CADPS: variants seen among roughly 807,000 people sequenced by gnomAD.
The protein encoded by CADPS is calcium-dependent secretion activator 1.
In CADPS, 57 loss-of-function variants were observed where a neutral mutation model predicts 167.3. That is an observed-to-expected ratio of 0.34 (90% CI 0.28 to 0.42). CADPS has a LOEUF of 0.42. CADPS is among the 20% of genes least tolerant of loss of function. CADPS has a pLI of 1.00. For synonymous variants in CADPS, 676 were observed against 635.3 expected (o/e 1.06, Z -0.96); for missense variants, 1,414 against 1,738.1 (o/e 0.81, Z 3.32).
intron 1 of CADPS, among the ~76,000 whole-genome samples, chr3:62,829,042 A>T: frequency 6.6e-6 from 1 of 152,140 alleles, no homozygotes; most frequent in Non-Finnish European, 1.5e-5. Context: ...CCAAGAAAAG[A>T]AGTTTCAGGA....
intron 1 of CADPS, among the ~76,000 whole-genome samples, chr3:62,852,154 G>T (rs2078735434): frequency 6.7e-6 from 1 of 149,256 alleles, no homozygotes; most frequent in Admixed American, 6.7e-5. Context: ...CTCTGTATTG[G>T]TTATTCTAGT....
intron 6 of CADPS, among the ~76,000 whole-genome samples, chr3:62,600,533 A>T (rs1165147121): frequency 6.6e-6 from 1 of 152,186 alleles, no homozygotes; most frequent in Non-Finnish European, 1.5e-5. Context: ...AGTGTAACTG[A>T]CTAATCTAAA....
chr3:62,697,100 TTAAATA>T (rs1486998372), intron 3 of CADPS, among the ~76,000 whole-genome samples: 1 of 152,102 alleles, frequency 6.6e-6, no homozygotes, highest in African/African-American at 2.4e-5. Context: ...GGCAAATTAC[TTAAATA>T]TAGTTTTTAC....
chr3:62,575,865 T>C (rs1156788472), intron 8 of CADPS, among the ~76,000 whole-genome samples: 5 of 152,176 alleles, frequency 3.3e-5, no homozygotes, highest in African/African-American at 1.2e-4. Flanking sequence ...TTGGAAAGTC[T>C]GCTTGAGGGA....
intron 3 of CADPS, among the ~76,000 whole-genome samples, chr3:62,724,557 G>T (rs780889680): frequency 6.6e-6 from 1 of 152,112 alleles, no homozygotes; most frequent in Non-Finnish European, 1.5e-5. Context: ...GTAGAAAAGC[G>T]GTAGTTTCCA....
chr3:62,506,665 G>A (rs1263273799), intron 17 of CADPS, among the ~76,000 whole-genome samples: 1 of 152,104 alleles, frequency 6.6e-6, no homozygotes, highest in Admixed American at 6.5e-5. Context: ...ATGTTATTTT[G>A]GTGGGACTTC....
chr3:62,404,611 T>C (rs1327129316), intron 28 of CADPS: 1 of 152,098 alleles, frequency 6.6e-6, no homozygotes, highest in Non-Finnish European at 1.5e-5. Flanking sequence ...GAGCCAATTG[T>C]GGCTCTCCTT....
Position 62,875,209 on chromosome 3 carries a change from C to T in CADPS, c.-180G>A. On this transcript the variant is annotated 5_prime_UTR_variant, in exon 1 of 30. Coordinates refer to ENST00000383710, the MANE Select transcript of CADPS (RefSeq NM_003716.4). ...TGATCCTCTGCCCGGCGGTCGCGAG[C>T]TGGGCTCAGACCCAGAAGCGCGAAG... The T allele has an allele frequency of 1.3e-6, 1 of 794,896 alleles. No homozygotes were observed. Among genetic ancestry groups the T allele is most frequent in the Admixed American group, 4.6e-5 (1 of 21,682 alleles). 49.2% of individuals were successfully genotyped at this position (794,896 alleles called of 1,614,324 possible).
chr3:62,580,603 AAAAG>A (rs1366388045), intron 8 of CADPS, among the ~76,000 whole-genome samples: 1 of 148,304 alleles, frequency 6.7e-6, no homozygotes, highest in Non-Finnish European at 1.5e-5. Context: ...AATAAAAAAA[AAAAG>A]AAAGAGGCAA....
chr3:62,715,353 CCTAT>C (rs10654479), intron 3 of CADPS, among the ~76,000 whole-genome samples: 2 of 140,372 alleles, frequency 1.4e-5, no homozygotes, highest in Non-Finnish European at 3.2e-5. Context: ...GTTGGCCAGC[CCTAT>C]CTATCTATCT....
intron 8 of CADPS, among the ~76,000 whole-genome samples, chr3:62,572,457 C>T (rs879791822): frequency 5.3e-5 from 8 of 152,044 alleles, no homozygotes; most frequent in South Asian, 2.1e-4. Flanking sequence ...TTCCTGGAAA[C>T]GAGACAGAGC....
chr3:62,608,083 T>C (rs1265322049), intron 6 of CADPS, among the ~76,000 whole-genome samples: 1 of 152,140 alleles, frequency 6.6e-6, no homozygotes, highest in Non-Finnish European at 1.5e-5. Flanking sequence ...ATATTGACAC[T>C]ATCACAGCAG....
At chr3:62,697,896 A>G (rs1356862390) in intron 3 of CADPS, among the ~76,000 whole-genome samples, 2 of 152,092 alleles carry the variant, frequency 1.3e-5, no homozygotes, top group African/African-American at 4.8e-5. Flanking sequence ...CCATTTGTAT[A>G]TCTTCTTTTG....
chr3:62,748,671 C>A (rs542131371), intron 3 of CADPS, among the ~76,000 whole-genome samples: 1 of 152,154 alleles, frequency 6.6e-6, no homozygotes, highest in Admixed American at 6.6e-5. Flanking sequence ...GTCTTAGCCT[C>A]ATTTCTCAGA....
chr3:62,430,676 A>G (rs993434215), intron 28 of CADPS, among the ~76,000 whole-genome samples: 3 of 152,044 alleles, frequency 2.0e-5, no homozygotes, highest in Non-Finnish European at 4.4e-5. Context: ...ATACATACAC[A>G]TACACACACA....
At chr3:62,716,719 T>C (rs2084715981) in intron 3 of CADPS, among the ~76,000 whole-genome samples, 1 of 152,232 alleles carries the variant, frequency 6.6e-6, no homozygotes, top group Non-Finnish European at 1.5e-5. Context: ...CTGAAGAGTA[T>C]ATCGGTCCTC....
chr3:62,741,723 A>G (rs533636607), intron 3 of CADPS, among the ~76,000 whole-genome samples: 3 of 152,310 alleles, frequency 2.0e-5, no homozygotes, highest in African/African-American at 7.2e-5. Flanking sequence ...CAAGACAAGG[A>G]TGCCCTCTCT....
intron 6 of CADPS, among the ~76,000 whole-genome samples, chr3:62,635,943 A>T (rs897330573): frequency 3.3e-5 from 5 of 152,190 alleles, no homozygotes; most frequent in African/African-American, 1.2e-4. Context: ...CAAGTAAGGG[A>T]TCTACATATA....
chr3:62,542,575 C>T (rs547593697), intron 11 of CADPS, among the ~76,000 whole-genome samples: 25 of 152,230 alleles, frequency 1.6e-4, no homozygotes, highest in African/African-American at 5.5e-4. Flanking sequence ...CACATGCCTG[C>T]TGCCCAGAGG....
Sources: allele counts gnomAD v4.1 joint callset (sites outside exome capture counted in the v4.1 genomes callset), GRCh38; gene constraint gnomAD v4.1.1; transcripts MANE v1.5; gene names NCBI Gene and HGNC (gene_info 2026-07-23, HGNC 2026-07-21).